WWOX: variants seen among roughly 807,000 people sequenced by gnomAD.
WWOX encodes the protein WW domain-containing oxidoreductase.
WWOX carries 69 observed loss-of-function variants against 46.2 expected under a neutral mutation model. That is an observed-to-expected ratio of 1.49 (90% CI 1.23 to 1.82). The LOEUF (loss-of-function observed/expected upper bound fraction) is 1.82, where lower values mean the gene tolerates loss of function less well. Ranked by LOEUF, WWOX falls within the 40% of genes most tolerant of loss-of-function variation. The pLI, the probability that WWOX is intolerant of heterozygous loss-of-function variation, is 0.00. For synonymous variants in WWOX, 359 were observed against 202.6 expected, an observed-to-expected ratio of 1.77 and a Z score of -6.56; for missense variants, 919 against 542.6, an observed-to-expected ratio of 1.69 and a Z score of -6.89.
chr16:78,905,146 T>A (rs564532033), intron 8 of WWOX, among the ~76,000 whole-genome samples: 1 of 152,300 alleles, frequency 6.6e-6, no homozygotes, highest in East Asian at 1.9e-4. Context: ...GAACTGACCC[T>A]CTATGAGGGG....
chr16:78,310,448 C>T (rs1050648958), intron 5 of WWOX, among the ~76,000 whole-genome samples: 1 of 152,218 alleles, frequency 6.6e-6, no homozygotes, highest in Non-Finnish European at 1.5e-5. Flanking sequence ...AATTTGTTTT[C>T]AGCTCTGAGA....
At chr16:78,627,097 G>T (rs920928988) in intron 8 of WWOX, among the ~76,000 whole-genome samples, 1 of 152,018 alleles carries the variant, frequency 6.6e-6, no homozygotes, top group Non-Finnish European at 1.5e-5. Context: ...TGGAATCTCA[G>T]CCATATTCTT....
chr16:79,042,528 TACTC>T (rs150759014), intron 8 of WWOX, among the ~76,000 whole-genome samples: 5,581 of 152,272 alleles, frequency 0.037, 137 homozygotes, highest in South Asian at 0.059. Context: ...TCAAATTACT[TACTC>T]AATAAAATGT....
At chr16:78,284,783 TAAGA>T (rs2151856727) in intron 5 of WWOX, among the ~76,000 whole-genome samples, 1 of 152,346 alleles carries the variant, frequency 6.6e-6, no homozygotes, top group African/African-American at 2.4e-5. Context: ...AGGGTTGGCT[TAAGA>T]GTTGACTTAC....
chr16:78,867,487 TG>T (rs2044029747), intron 8 of WWOX, among the ~76,000 whole-genome samples: 2 of 66,772 alleles, frequency 3.0e-5, no homozygotes, highest in East Asian at 3.0e-4. Context: ...AATGATTTTG[TG>T]TGTGTGTGTG....
chr16:78,627,887 C>T (rs993012244), intron 8 of WWOX, among the ~76,000 whole-genome samples: 2 of 152,198 alleles, frequency 1.3e-5, no homozygotes, highest in Admixed American at 1.3e-4. Context: ...AGGCAAGAAT[C>T]CCGTGGATTT....
chr16:78,590,449 T>A (rs1442398695), intron 8 of WWOX, among the ~76,000 whole-genome samples: 1 of 152,162 alleles, frequency 6.6e-6, no homozygotes, highest in Non-Finnish European at 1.5e-5. Context: ...CTAATATTAT[T>A]TGAGCTGCTC....
At chr16:78,187,260 C>G (rs985010091) in intron 5 of WWOX, among the ~76,000 whole-genome samples, 2 of 152,150 alleles carry the variant, frequency 1.3e-5, no homozygotes, top group Non-Finnish European at 2.9e-5. Flanking sequence ...CGAGTTATGC[C>G]AAACTTTGCA....
At chr16:78,721,056 G>T (rs2048677610) in intron 8 of WWOX, among the ~76,000 whole-genome samples, 1 of 151,966 alleles carries the variant, frequency 6.6e-6, no homozygotes, top group Non-Finnish European at 1.5e-5. Context: ...ATAAGATTGA[G>T]GTCGTTTATT....
chr16:78,689,241 C>T (rs8050711), intron 8 of WWOX, among the ~76,000 whole-genome samples: 48,542 of 152,138 alleles, frequency 0.32, 8,815 homozygotes, highest in Admixed American at 0.49. Context: ...TCAAGCCATA[C>T]GTCACCATTG....
intron 5 of WWOX, among the ~76,000 whole-genome samples, chr16:78,205,716 C>T (rs1435949897): frequency 6.6e-6 from 1 of 152,074 alleles, no homozygotes; most frequent in Non-Finnish European, 1.5e-5. Context: ...TCCATCCATG[C>T]ATCCTTCCTT....
intron 8 of WWOX, among the ~76,000 whole-genome samples, chr16:78,454,213 A>G (rs189738871): frequency 6.6e-6 from 1 of 152,232 alleles, no homozygotes; most frequent in Non-Finnish European, 1.5e-5. Context: ...GGAAGCCTTG[A>G]TTTCTGTAGG....
rs2047854555 is a variant in WWOX at position 78,686,243 on chromosome 16, G to A, written c.1056+253491G>A. On this transcript the variant is annotated intron_variant, in intron 8 of 8. Transcript: ENST00000566780. Reference sequence around the variant, plus strand: ...AATCTGTTAGAAGGCCAGGCGCGGTGGCTCAGGCCTGTAATCCCAGGACTT... The same window carrying A: ...AATCTGTTAGAAGGCCAGGCGCGGTAGCTCAGGCCTGTAATCCCAGGACTT... Among the ~76,000 whole-genome samples the A allele has an allele frequency of 2.0e-5, 3 of 152,276 alleles. No individual in the cohort carries two copies. In the South Asian group the frequency reaches 6.2e-4, roughly 32 times the overall value.
At chr16:78,204,552 C>G (rs1461561111) in intron 5 of WWOX, among the ~76,000 whole-genome samples, 1 of 152,072 alleles carries the variant, frequency 6.6e-6, no homozygotes, top group African/African-American at 2.4e-5. Context: ...ACCTCCTCAT[C>G]AACCCCCCAC....
chr16:78,361,877 G>A (rs1420817230), intron 5 of WWOX, among the ~76,000 whole-genome samples: 1 of 151,962 alleles, frequency 6.6e-6, no homozygotes, highest in African/African-American at 2.4e-5. Context: ...CTCCCAAAGT[G>A]CTGGGATTAC....
chr16:78,751,460 T>TA (rs1218211160), intron 8 of WWOX, among the ~76,000 whole-genome samples: 1,960 of 63,728 alleles, frequency 0.031, 35 homozygotes, highest in African/African-American at 0.14. Flanking sequence ...TTTATCAGAT[T>TA]TTATATATAT....
rs1349278607 is a variant in WWOX, at chr16:78,973,144, G to A, written c.1057-238464G>A. Among the ~76,000 whole-genome samples the A allele has an allele frequency of 2.0e-5, 3 of 152,138 alleles. 1 individual carries two copies. Among genetic ancestry groups the A allele is most frequent in the African/African-American group, 4.8e-5 (2 of 41,426 alleles). On this transcript the variant is annotated intron_variant, in intron 8 of 8. Transcript: ENST00000566780. ...CCCTTCCCGTATAAGGTGGGGTTGC[G>A]GAAATCTCTGCCACGTCCGCCTTTA... is the stretch of plus-strand genomic sequence containing the variant.
At chr16:78,229,448 A>C (rs1189108025) in intron 5 of WWOX, among the ~76,000 whole-genome samples, 1 of 135,352 alleles carries the variant, frequency 7.4e-6, no homozygotes, top group East Asian at 2.1e-4. Context: ...TTAGACATTT[A>C]GATTTTTTCT....
intron 3 of WWOX, among the ~76,000 whole-genome samples, chr16:78,112,297 C>G (rs528291234): frequency 1.3e-5 from 2 of 152,148 alleles, no homozygotes; most frequent in Non-Finnish European, 2.9e-5. Context: ...GTCTTTGAGG[C>G]TCTCCAAAGC....
Sources: allele counts gnomAD v4.1 joint callset (sites outside exome capture counted in the v4.1 genomes callset), GRCh38; gene constraint gnomAD v4.1.1; transcripts MANE v1.5; gene names NCBI Gene and HGNC (gene_info 2026-07-23, HGNC 2026-07-21).